FILIP1: variants seen among roughly 807,000 people sequenced by gnomAD.
FILIP1 encodes the protein filamin A interacting protein 1, also known as filamin-A-interacting protein 1.
A neutral mutation model predicts 102.1 loss-of-function variants in FILIP1; 61 were observed. That is an observed-to-expected ratio of 0.60 (90% CI 0.49 to 0.74). The LOEUF (loss-of-function observed/expected upper bound fraction) is 0.74, where lower values mean the gene tolerates loss of function less well. Among genes scored for constraint, FILIP1 ranks in the 30% least tolerant of loss-of-function variants. The pLI is 0.00. For missense variants in FILIP1, 1,314 were observed against 1,441.2 expected, an observed-to-expected ratio of 0.91 and a Z score of 1.43; for synonymous variants, 491 against 526.9, an observed-to-expected ratio of 0.93 and a Z score of 0.93.
At chr6:75,473,469 A>G (rs1163277509) in intron 1 of FILIP1, among the ~76,000 whole-genome samples, 1 of 152,080 alleles carries the variant, frequency 6.6e-6, no homozygotes, top group African/African-American at 2.4e-5. Flanking sequence ...TTTGTAGGTG[A>G]TCCAACTAAA....
chr6:75,492,829 C>G (rs1047924661), intron 1 of FILIP1, among the ~76,000 whole-genome samples: 13 of 152,148 alleles, frequency 8.5e-5, no homozygotes, highest in African/African-American at 2.4e-4. Context: ...GATTTAATAC[C>G]AGGCATATTT....
intron 1 of FILIP1, among the ~76,000 whole-genome samples, chr6:75,441,944 C>T (rs1406963842): frequency 2.0e-5 from 3 of 151,882 alleles, no homozygotes; most frequent in African/African-American, 4.8e-5. Context: ...CTGACCCCCA[C>T]CTCCCTCCCG....
At chr6:75,405,285 T>A (rs987090748) in intron 2 of FILIP1, among the ~76,000 whole-genome samples, 5 of 152,116 alleles carry the variant, frequency 3.3e-5, no homozygotes, top group Admixed American at 1.3e-4. Context: ...TAATTTCAAA[T>A]CAGGAAGCCA....
intron 4 of FILIP1, among the ~76,000 whole-genome samples, chr6:75,320,421 A>C (rs1427746929): frequency 1.3e-5 from 2 of 152,060 alleles, no homozygotes; most frequent in Non-Finnish European, 2.9e-5. Flanking sequence ...AAGCAAAAAA[A>C]CAAAAATTAG....
chr6:75,455,770 A>G (rs1778809277), intron 1 of FILIP1, among the ~76,000 whole-genome samples: 1 of 152,120 alleles, frequency 6.6e-6, no homozygotes, highest in South Asian at 2.1e-4. Context: ...ATCTTGATAC[A>G]TTTACCTTTC....
At chr6:75,404,939 A>AACCTCTT (rs1776788919) in intron 2 of FILIP1, among the ~76,000 whole-genome samples, 1 of 152,192 alleles carries the variant, frequency 6.6e-6, no homozygotes. Flanking sequence ...CTTAACCTGT[A>AACCTCTT]AACACAGTAA....
chr6:75,294,155 G>A (rs956500206), exon 7 of FILIP1: 2 of 152,098 alleles, frequency 1.3e-5, no homozygotes, highest in Non-Finnish European at 2.9e-5. Flanking sequence ...GGTTACATAG[G>A]GGAGGAAGTC....
chr6:75,449,316 G>A (rs1778544827), intron 1 of FILIP1, among the ~76,000 whole-genome samples: 1 of 152,082 alleles, frequency 6.6e-6, no homozygotes, highest in African/African-American at 2.4e-5. Flanking sequence ...TGGACTTTGG[G>A]GACTTGGGGG....
At chr6:75,465,582 A>G in intron 1 of FILIP1, 1 of 438,690 alleles carries the variant, frequency 2.3e-6, no homozygotes, top group Non-Finnish European at 4.1e-6. Context: ...AAAAAAAAAA[A>G]CAAGCTCTTC....
At chr6:75,331,623 T>C (rs1774086568) in intron 4 of FILIP1, among the ~76,000 whole-genome samples, 1 of 152,124 alleles carries the variant, frequency 6.6e-6, no homozygotes, top group Non-Finnish European at 1.5e-5. Context: ...GCCTTCCCAA[T>C]ACCCTTCTCC....
intron 6 of FILIP1, among the ~76,000 whole-genome samples, chr6:75,301,883 T>C (rs908608670): frequency 3.9e-5 from 6 of 152,194 alleles, no homozygotes; most frequent in Admixed American, 3.9e-4. Flanking sequence ...ATATTCACCC[T>C]GATATCTATC....
chr6:75,462,407 G>T (rs1320995577), intron 1 of FILIP1, among the ~76,000 whole-genome samples: 2 of 152,088 alleles, frequency 1.3e-5, no homozygotes, highest in Non-Finnish European at 2.9e-5. Context: ...GAATGGCAGG[G>T]TCACTGGCTA....
chr6:75,354,257 A>G (rs1210558117), intron 3 of FILIP1, among the ~76,000 whole-genome samples: 1 of 152,324 alleles, frequency 6.6e-6, no homozygotes, highest in Admixed American at 6.5e-5. Flanking sequence ...ATTGTTCTAC[A>G]TCCTTGTCAA....
Position 75,319,096 on chromosome 6 carries a change from T to C in FILIP1, c.630-3894A>G, listed in dbSNP as rs999963942. 4 of 725,774 alleles carry C rather than the reference T, an allele frequency of 5.5e-6. No homozygotes were observed. In the African/African-American group the frequency reaches 7.0e-5, roughly 13 times the overall value. The allele number at this position is 725,774 out of a possible 1,614,324, so 45.0% of individuals were successfully genotyped here. On this transcript the variant is annotated intron_variant, in intron 4 of 5. Transcript: ENST00000237172. ...TTCTTCCTCCTCTTCATCCTCTTCATCTTCCTCCTCTTCCTTCTTTTTCTT... is the reference window on the plus strand; with the variant it reads ...TTCTTCCTCCTCTTCATCCTCTTCACCTTCCTCCTCTTCCTTCTTTTTCTT...
At chr6:75,299,336 T>G (rs572511178) in intron 6 of FILIP1, among the ~76,000 whole-genome samples, 2 of 152,280 alleles carry the variant, frequency 1.3e-5, no homozygotes, top group East Asian at 1.9e-4. Context: ...TAATTTTTCT[T>G]CTTACAGATA....
intron 1 of FILIP1, among the ~76,000 whole-genome samples, chr6:75,455,975 T>C (rs1293232872): frequency 3.3e-5 from 5 of 152,336 alleles, no homozygotes; most frequent in Admixed American, 3.3e-4. Context: ...TCAACTTTTA[T>C]ACCTTGACGT....
At chr6:75,379,448 A>G (rs545880281) in intron 2 of FILIP1, among the ~76,000 whole-genome samples, 1 of 152,240 alleles carries the variant, frequency 6.6e-6, no homozygotes, top group East Asian at 1.9e-4. Context: ...TCTATCATTG[A>G]ATTTCAGACT....
Position 75,438,078 on chromosome 6 carries a change from T to G in FILIP1, c.-6-23100A>C, listed in dbSNP as rs576686731. On this transcript the variant is annotated intron_variant, in intron 1 of 5. Coordinates refer to ENST00000237172, the MANE Select transcript of FILIP1 (RefSeq NM_015687.5). Reference sequence around the variant, plus strand: ...ATTCCATTATGTGGCACAGTGACAGTTGAAAGACAACCTGTTTTACTGTCA... The same window carrying G: ...ATTCCATTATGTGGCACAGTGACAGGTGAAAGACAACCTGTTTTACTGTCA... 4.6e-5 allele frequency among the ~76,000 whole-genome samples: 7 copies of G among 152,360 alleles called. No homozygotes were observed. In the East Asian group the frequency reaches 1.3e-3, roughly 29 times the overall value.
rs1197088462 is a variant in FILIP1, at chr6:75,343,384, CCA to C, written c.629+10153_629+10154del. Among the ~76,000 whole-genome samples the C allele has an allele frequency of 9.2e-5, 14 of 152,298 alleles. No individual in the cohort carries two copies. The East Asian group carries it at 2.7e-3, about 29-fold the overall frequency. On this transcript the variant is annotated intron_variant, in intron 4 of 5. Coordinates refer to ENST00000237172, the MANE Select transcript of FILIP1 (RefSeq NM_015687.5). ...GGTAATCCCTTCAGTCTAGAATTCT[CCA>C]CACCAACTCTCTTTGGGTTTTATAT...
Sources: gnomAD v4.1 joint callset for allele counts (sites outside exome capture counted in the v4.1 genomes callset) on GRCh38, gnomAD v4.1.1 for gene constraint, MANE v1.5 for transcripts, NCBI Gene and HGNC (gene_info 2026-07-23, HGNC 2026-07-21) for gene names.